Variants in DOCK10 observed in about 807,000 individuals in gnomAD.
The protein encoded by DOCK10 is dedicator of cytokinesis 10.
A neutral mutation model predicts 280.1 loss-of-function variants in DOCK10; 145 were observed. The observed-to-expected ratio is 0.52, with a 90% CI of 0.45 to 0.59. DOCK10 has a LOEUF of 0.59. Among genes scored for constraint, DOCK10 ranks in the 20% least tolerant of loss-of-function variants. The pLI is 0.00. For synonymous variants in DOCK10, 915 were observed against 942.2 expected (o/e 0.97, Z 0.53); for missense variants, 2,368 against 2,651.7 (o/e 0.89, Z 2.35).
chr2:224,857,089 T>G, intron 14 of DOCK10, 107 bp from the exon 15 acceptor site: 1 of 932,942 alleles, frequency 1.1e-6, no homozygotes, highest in Non-Finnish European at 1.4e-6. Flanking sequence ...AGAGAAACTC[T>G]AAGAACTTAT....
chr2:224,817,739 G>C (rs1406916812), intron 29 of DOCK10, among the ~76,000 whole-genome samples: 1 of 152,184 alleles, frequency 6.6e-6, no homozygotes. Flanking sequence ...AATTGAGAGA[G>C]AGAATTGGAT....
intron 2 of DOCK10, among the ~76,000 whole-genome samples, chr2:224,921,134 T>TATATATATAA (rs1210407698): frequency 3.7e-5 from 4 of 109,180 alleles, no homozygotes; most frequent in African/African-American, 1.7e-4. Context: ...TATATATATA[T>TATATATATAA]AATGTATATA....
intron 14 of DOCK10, 55 bp downstream of exon 14, chr2:224,862,609 T>G: frequency 6.9e-7 from 1 of 1,456,488 alleles, no homozygotes; most frequent in Non-Finnish European, 9.6e-7. Context: ...AACTGAAGCT[T>G]CCAATGCCAC....
At chr2:224,945,972 G>A (rs1301911481) in intron 1 of DOCK10, among the ~76,000 whole-genome samples, 2 of 152,136 alleles carry the variant, frequency 1.3e-5, no homozygotes, top group East Asian at 1.9e-4. Context: ...ATAGCGCTGA[G>A]GTTGAGAAAC....
chr2:224,975,082 C>A (rs1705355060), intron 1 of DOCK10, among the ~76,000 whole-genome samples: 1 of 151,590 alleles, frequency 6.6e-6, no homozygotes, highest in Admixed American at 6.6e-5. Flanking sequence ...TGCTTCTAAT[C>A]ATTTCTAAAT....
chr2:225,041,264 C>CA (rs1255247475), intron 1 of DOCK10, among the ~76,000 whole-genome samples: 3 of 152,144 alleles, frequency 2.0e-5, no homozygotes. Flanking sequence ...TATTTTCTGG[C>CA]AAAAAAGAAA....
intron 7 of DOCK10, among the ~76,000 whole-genome samples, chr2:224,877,026 C>G (rs979854845): frequency 4.6e-5 from 7 of 152,160 alleles, no homozygotes; most frequent in Non-Finnish European, 7.3e-5. Context: ...TTCTAGTTCC[C>G]GAATGTGTTC....
intron 50 of DOCK10, chr2:224,784,793 A>T: frequency 2.3e-6 from 3 of 1,288,030 alleles, no homozygotes; most frequent in South Asian, 1.2e-5. Context: ...TGCATTAAAA[A>T]CTATTTGAAA....
Position 224,770,099 on chromosome 2 carries a change from T to A in DOCK10, c.6444+112A>T. The A allele has an allele frequency of 8.0e-7, 1 of 1,243,272 alleles. No homozygotes were observed. The highest frequency in any genetic ancestry group is 1.1e-6 in the Non-Finnish European group (1 of 936,140). The allele number at this position is 1,243,272 out of a possible 1,614,324, so 77.0% of individuals were successfully genotyped here. A position where few individuals can be genotyped will look rare whatever the true frequency, so the allele number is the denominator to read the frequency against. On this transcript the variant is annotated intron_variant, in intron 55 of 55. Coordinates refer to ENST00000258390, the MANE Select transcript of DOCK10 (RefSeq NM_014689.3). This position sits in a 1 kb window ranked among gnomAD's most constrained non-coding sequence, Gnocchi z 4.5. The stretch of plus-strand genomic sequence containing the variant: ...AGAGAACAGATCAGCAACATGGTGC[T>A]GATGCAGTGATTTCTGCAGCAAGAA...
chr2:225,000,844 C>T (rs1459013228), intron 1 of DOCK10, among the ~76,000 whole-genome samples: 1 of 152,198 alleles, frequency 6.6e-6, no homozygotes, highest in Non-Finnish European at 1.5e-5. Flanking sequence ...AGCATGGTGG[C>T]TTACGCCTGT....
At chr2:224,833,655 ATCTCTCTC>A (rs57683084) in intron 26 of DOCK10, among the ~76,000 whole-genome samples, 1 of 149,154 alleles carries the variant, frequency 6.7e-6, no homozygotes, top group Non-Finnish European at 1.5e-5. Flanking sequence ...CTATCTATGT[ATCTCTCTC>A]TCTCTCTCTC....
intron 1 of DOCK10, among the ~76,000 whole-genome samples, chr2:225,002,715 T>G (rs1432187701): frequency 6.6e-6 from 1 of 152,208 alleles, no homozygotes; most frequent in Non-Finnish European, 1.5e-5. Context: ...AGCTGGCATC[T>G]CGTCACCCAC....
intron 24 of DOCK10, among the ~76,000 whole-genome samples, chr2:224,838,148 G>A (rs761278256): frequency 1.7e-4 from 26 of 152,210 alleles, no homozygotes; most frequent in African/African-American, 3.1e-4. Context: ...TGGTCTGTGC[G>A]TTTTTGACAT....
rs986039888 is a variant in DOCK10, at chr2:224,839,396, C to T, written c.2780+558G>A. Among the ~76,000 whole-genome samples, 95 of 152,062 alleles carry T rather than the reference C, an allele frequency of 6.2e-4. 1 individual carries two copies. The highest frequency in any genetic ancestry group is 2.0e-3 in the African/African-American group (81 of 41,460). On this transcript the variant is annotated intron_variant, in intron 24 of 55. Transcript: ENST00000258390. Reference sequence around the variant, plus strand: ...TGCTGGGATGACAGGCGTGAGCCACCGGGCCCAGCCGTTCATAGCACTTTT... The same window carrying T: ...TGCTGGGATGACAGGCGTGAGCCACTGGGCCCAGCCGTTCATAGCACTTTT...
chr2:225,029,004 A>G (rs1021312364), intron 1 of DOCK10, among the ~76,000 whole-genome samples: 1 of 152,174 alleles, frequency 6.6e-6, no homozygotes, highest in Non-Finnish European at 1.5e-5. Flanking sequence ...ATGGAAATAT[A>G]TTCTAGATTT....
At chr2:224,874,775 G>T in intron 8 of DOCK10, 24 bp from the exon 9 acceptor site, 3 of 1,595,356 alleles carry the variant, frequency 1.9e-6, no homozygotes, top group South Asian at 1.1e-5. Context: ...ACCAAGTCAG[G>T]TTATTAAATA....
rs550279768 is a variant in DOCK10 at position 224,908,453 on chromosome 2, A to G, written c.333+8242T>C. On this transcript the variant is annotated intron_variant, in intron 3 of 55. Transcript: ENST00000258390. ...TGTGTGTGTGTGTGTGTGTGTGTGT[A>G]CATGTGTAGATGTGGCTGTAGAGAT... Among the ~76,000 whole-genome samples, 299 of 142,482 alleles carry G rather than the reference A, an allele frequency of 2.1e-3. 2 individuals carry two copies. The highest frequency in any genetic ancestry group is 7.9e-3 in the African/African-American group (285 of 35,970). The allele number at this position is 142,482 out of a possible 152,430, so 93.5% of individuals were successfully genotyped here.
At chr2:224,803,528 C>A (rs921987367) in intron 39 of DOCK10, among the ~76,000 whole-genome samples, 1 of 152,040 alleles carries the variant, frequency 6.6e-6, no homozygotes, top group African/African-American at 2.4e-5. Context: ...AATTTCAGGG[C>A]AAATGTTTCC....
intron 3 of DOCK10, among the ~76,000 whole-genome samples, chr2:224,905,433 T>TAA (rs1559718833): frequency 4.6e-5 from 7 of 151,604 alleles, no homozygotes; most frequent in African/African-American, 1.7e-4. Flanking sequence ...GTATTTTTAG[T>TAA]AGAGACGGGG....
Sources: allele counts gnomAD v4.1 joint callset (sites outside exome capture counted in the v4.1 genomes callset), GRCh38; gene constraint gnomAD v4.1.1; non-coding constraint Gnocchi (gnomAD v3.1); transcripts MANE v1.5; gene names NCBI Gene and HGNC (gene_info 2026-07-23, HGNC 2026-07-21).